The following VWC2L variants were observed in gnomAD, a reference collection of about 807,000 sequenced individuals.
The protein encoded by VWC2L is von Willebrand factor C domain containing 2 like.
In VWC2L, 10 loss-of-function variants were observed where a neutral mutation model predicts 21.6. That is an observed-to-expected ratio of 0.46 (90% CI 0.29 to 0.78). The LOEUF (loss-of-function observed/expected upper bound fraction) is 0.78. VWC2L is among the 30% of genes least tolerant of loss of function. The probability of loss-of-function intolerance (pLI) is 0.10; values close to 1 mark genes in which losing one functional copy is unlikely to be tolerated. For missense variants in VWC2L, 209 were observed against 277.1 expected (o/e 0.75, Z 1.74); for synonymous variants, 96 against 94.3 (o/e 1.02, Z -0.10).
At chr2:214,538,649 TATATATAAA>T (rs138152728) in intron 3 of VWC2L, among the ~76,000 whole-genome samples, 28,742 of 149,498 alleles carry the variant, frequency 0.19, 3,200 homozygotes, top group East Asian at 0.25. Flanking sequence ...TACATTATAG[TATATATAAA>T]ATATATAATT....
At chr2:214,487,957 G>A (rs534029805) in intron 3 of VWC2L, among the ~76,000 whole-genome samples, 10 of 152,292 alleles carry the variant, frequency 6.6e-5, no homozygotes, top group African/African-American at 2.2e-4. Context: ...TGCAACAACA[G>A]CTCTGGGTTC....
At chr2:214,543,112 A>G (rs1263150094) in intron 3 of VWC2L, among the ~76,000 whole-genome samples, 1 of 152,208 alleles carries the variant, frequency 6.6e-6, no homozygotes, top group Non-Finnish European at 1.5e-5. Context: ...TAATGACAGC[A>G]TCTCTTTTAG....
At chr2:214,443,397 A>C (rs960015021) in intron 3 of VWC2L, among the ~76,000 whole-genome samples, 2 of 152,110 alleles carry the variant, frequency 1.3e-5, no homozygotes, top group African/African-American at 4.8e-5. Context: ...AAAACAAAAA[A>C]AAAACCTGGA....
At position 214,528,636 on chromosome 2, in the gene VWC2L, C is replaced by T. The variant is rs1689381168; in HGVS notation, c.521-47036C>T. Reference sequence around the variant, plus strand: ...CTTCACAGAGGGAACCCAGAATGAACCATTTGCCACGGGTAACCAGATCAC... The same window carrying T: ...CTTCACAGAGGGAACCCAGAATGAATCATTTGCCACGGGTAACCAGATCAC... On this transcript the variant is annotated intron_variant, in intron 3 of 3. Coordinates refer to ENST00000312504, the MANE Select transcript of VWC2L (RefSeq NM_001080500.4). Among the ~76,000 whole-genome samples, 8 of 151,800 alleles carry T rather than the reference C, an allele frequency of 5.3e-5. 1 individual carries two copies. The South Asian group carries it at 1.7e-3, about 32-fold the overall frequency.
At chr2:214,562,736 C>G (rs1041393688) in intron 3 of VWC2L, among the ~76,000 whole-genome samples, 9 of 152,186 alleles carry the variant, frequency 5.9e-5, no homozygotes, top group Non-Finnish European at 1.5e-5. Context: ...CTTTAACTAT[C>G]AGTGATGTTG....
chr2:214,558,815 T>G (rs934181314), intron 3 of VWC2L, among the ~76,000 whole-genome samples: 6 of 147,400 alleles, frequency 4.1e-5, no homozygotes, highest in Non-Finnish European at 6.0e-5. Context: ...ATAGTTTTGT[T>G]TTTTTTTTTT....
At chr2:214,458,632 T>TC in intron 3 of VWC2L, among the ~76,000 whole-genome samples, 1 of 152,258 alleles carries the variant, frequency 6.6e-6, no homozygotes, top group East Asian at 1.9e-4. Flanking sequence ...ATGTTGTGTT[T>TC]TCATTCCATT....
chr2:214,552,963 T>C (rs1689817629), intron 3 of VWC2L, among the ~76,000 whole-genome samples: 1 of 152,238 alleles, frequency 6.6e-6, no homozygotes, highest in Non-Finnish European at 1.5e-5. Flanking sequence ...TCACCTGCTA[T>C]TGAGCACATA....
chr2:214,447,716 T>C (rs1574569412), intron 3 of VWC2L, among the ~76,000 whole-genome samples: 1 of 152,264 alleles, frequency 6.6e-6, no homozygotes, highest in East Asian at 1.9e-4. Context: ...CCCTCTATCT[T>C]CCTCAGAAGT....
At chr2:214,467,268 G>T (rs762078859) in intron 3 of VWC2L, among the ~76,000 whole-genome samples, 1 of 152,114 alleles carries the variant, frequency 6.6e-6, no homozygotes, top group Non-Finnish European at 1.5e-5. Flanking sequence ...TGAACAACTT[G>T]TTTCCCCACA....
intron 3 of VWC2L, among the ~76,000 whole-genome samples, chr2:214,544,530 G>C (rs141996915): frequency 6.6e-6 from 1 of 152,074 alleles, no homozygotes; most frequent in Non-Finnish European, 1.5e-5. Flanking sequence ...CCTAAGGACT[G>C]GTACGCTTGT....
intron 3 of VWC2L, among the ~76,000 whole-genome samples, chr2:214,545,779 C>T (rs756633757): frequency 5.3e-5 from 8 of 152,040 alleles, no homozygotes; most frequent in Non-Finnish European, 1.0e-4. Context: ...GACTTTGTTC[C>T]AACAATCTGG....
intron 3 of VWC2L, among the ~76,000 whole-genome samples, chr2:214,442,331 GC>G (rs1366271781): frequency 6.6e-6 from 1 of 152,172 alleles, no homozygotes; most frequent in Non-Finnish European, 1.5e-5. Context: ...AGAGAAAAGA[GC>G]TAAAGTCTTT....
intron 3 of VWC2L, among the ~76,000 whole-genome samples, chr2:214,461,096 T>C (rs1328926647): frequency 6.6e-6 from 1 of 152,158 alleles, no homozygotes; most frequent in Non-Finnish European, 1.5e-5. Context: ...TGGTGAGGCT[T>C]TGTTAGGAAT....
chr2:214,490,407 C>G (rs944038615), intron 3 of VWC2L, among the ~76,000 whole-genome samples: 1 of 136,098 alleles, frequency 7.3e-6, no homozygotes, highest in African/African-American at 2.7e-5. Context: ...TACCCTCAGA[C>G]CATTTAATTG....
chr2:214,503,730 GA>G (rs5838438), intron 3 of VWC2L, among the ~76,000 whole-genome samples: 47,641 of 143,140 alleles, frequency 0.33, 8,738 homozygotes, highest in South Asian at 0.47. Flanking sequence ...CCAGAAATGA[GA>G]AAAAAAAAAA....
At chr2:214,458,520 T>C (rs893454634) in intron 3 of VWC2L, among the ~76,000 whole-genome samples, 12 of 152,086 alleles carry the variant, frequency 7.9e-5, no homozygotes, top group African/African-American at 2.9e-4. Context: ...GGGGCATCAT[T>C]AGGTTGTTTA....
At chr2:214,575,293 G>A (rs992769554) in intron 3 of VWC2L, among the ~76,000 whole-genome samples, 10 of 152,102 alleles carry the variant, frequency 6.6e-5, no homozygotes, top group African/African-American at 2.2e-4. Context: ...ATCTGAGGCC[G>A]ACCATGTCAG....
At chr2:214,459,188 T>C (rs755969965) in intron 3 of VWC2L, among the ~76,000 whole-genome samples, 2 of 152,184 alleles carry the variant, frequency 1.3e-5, no homozygotes, top group Middle Eastern at 3.2e-3. Flanking sequence ...TTTTTACTAG[T>C]GTTGACTTGA....
Sources: gnomAD v4.1 joint callset for allele counts (sites outside exome capture counted in the v4.1 genomes callset) on GRCh38, gnomAD v4.1.1 for gene constraint, MANE v1.5 for transcripts, NCBI Gene and HGNC (gene_info 2026-07-23, HGNC 2026-07-21) for gene names.